MICU3: variants seen among roughly 807,000 people sequenced by gnomAD.
The protein encoded by MICU3 is mitochondrial calcium uptake 3.
MICU3 carries 62 observed loss-of-function variants against 66.5 expected under a neutral mutation model. That is an observed-to-expected ratio of 0.93 (90% CI 0.76 to 1.15). MICU3 has a LOEUF of 1.15. Ranked by LOEUF, MICU3 falls within the 50% of genes most tolerant of loss-of-function variation. The pLI is 0.00. For missense variants in MICU3, 779 were observed against 664.4 expected (o/e 1.17, Z -1.90); for synonymous variants, 308 against 240.7 (o/e 1.28, Z -2.59).
chr8:17,126,117 G>T (rs543091902), downstream of MICU3, among the ~76,000 whole-genome samples: 1 of 151,922 alleles, frequency 6.6e-6, no homozygotes, highest in African/African-American at 2.4e-5. Context: ...GATCCAGGGG[G>T]ATGAGTTTCA....
chr8:17,103,147 T>C (rs1330795841), intron 9 of MICU3, among the ~76,000 whole-genome samples: 2 of 151,944 alleles, frequency 1.3e-5, no homozygotes, highest in African/African-American at 4.8e-5. Context: ...TGGTCTTTGT[T>C]ACTCCATTTT....
chr8:17,093,677 T>C (rs1164676361), intron 8 of MICU3, among the ~76,000 whole-genome samples: 1 of 151,988 alleles, frequency 6.6e-6, no homozygotes, highest in African/African-American at 2.4e-5. Flanking sequence ...TTATAGATTA[T>C]TTATATCATC....
In MICU3 at chr8:17,050,836, A is replaced by T. The variant is rs1216049636; in HGVS notation, c.382-13248A>T. Among the ~76,000 whole-genome samples, 2 of 152,134 alleles carry T rather than the reference A, an allele frequency of 1.3e-5. 1 individual carries two copies. Among genetic ancestry groups the T allele is most frequent in the South Asian group, 4.1e-4 (2 of 4,822 alleles). ...TATGGCTTTTTAAAAAACGCAGTAT[A>T]AGAGTTGCTCTTTTTCAATGGGGGG... On this transcript the variant is annotated intron_variant, in intron 1 of 14. Transcript: ENST00000318063.
chr8:17,103,823 G>T (rs1341775142), intron 9 of MICU3, among the ~76,000 whole-genome samples: 1 of 151,794 alleles, frequency 6.6e-6, no homozygotes, highest in Non-Finnish European at 1.5e-5. Context: ...AATTTTCAAG[G>T]TCATATTATT....
downstream of MICU3, among the ~76,000 whole-genome samples, chr8:17,126,865 A>AG (rs1491525453): frequency 6.6e-6 from 1 of 152,210 alleles, no homozygotes; most frequent in Non-Finnish European, 1.5e-5. Flanking sequence ...AAGGAACATC[A>AG]GGGGGAATCA....
intron 11 of MICU3, among the ~76,000 whole-genome samples, chr8:17,110,132 G>C (rs1262099125): frequency 6.6e-6 from 1 of 152,162 alleles, no homozygotes; most frequent in Non-Finnish European, 1.5e-5. Flanking sequence ...ATATACACTT[G>C]AAAGCCTCAT....
intron 13 of MICU3, among the ~76,000 whole-genome samples, chr8:17,118,015 G>A (rs74527553): frequency 0.018 from 2,736 of 152,284 alleles, 81 homozygotes; most frequent in African/African-American, 0.063. Flanking sequence ...CAAGCTACTT[G>A]AGTAAAGATG....
chr8:17,054,797 G>C (rs1448615554), intron 1 of MICU3, among the ~76,000 whole-genome samples: 1 of 140,550 alleles, frequency 7.1e-6, no homozygotes, highest in African/African-American at 2.7e-5. Context: ...GGAGTGCAGT[G>C]GCACGATGTC....
At chr8:17,120,242 T>C (rs1442974285) in intron 14 of MICU3, 46 bp from the exon 15 acceptor site, 1 of 152,140 alleles carries the variant, frequency 6.6e-6, no homozygotes, top group East Asian at 1.9e-4. Flanking sequence ...CTCAGAATTA[T>C]ATCCTAAATA....
In MICU3 at chr8:17,118,741, A is replaced by T. The variant is rs766844621; in HGVS notation, c.1559A>T (p.Lys520Ile). 1 of 1,612,850 alleles carries T rather than the reference A, an allele frequency of 6.2e-7. No homozygotes were observed. The highest frequency in any genetic ancestry group is 1.1e-5 in the South Asian group (1 of 90,934). The change falls in exon 14 of 15, where the codon AAA (lysine) becomes ATA (isoleucine). Residue 520 changes from lysine (K) to isoleucine (I), a missense_variant. Coordinates refer to ENST00000318063, the MANE Select transcript of MICU3 (RefSeq NM_181723.3). ...YKTVQKYPTF[K>I]SCLKKELHSR ...ACAGTCCAGAAGTACCCCACTTTCA[A>T]ATCCTGCCTGAAGAAAGAACTTCAC...
intron 7 of MICU3, among the ~76,000 whole-genome samples, chr8:17,087,544 C>T (rs556224013): frequency 2.6e-4 from 40 of 152,106 alleles, no homozygotes; most frequent in African/African-American, 9.1e-4. Context: ...CTCCATCTTC[C>T]TAACCAGTTT....
chr8:17,037,022 T>C (rs1045671961), intron 1 of MICU3, among the ~76,000 whole-genome samples: 1 of 152,192 alleles, frequency 6.6e-6, no homozygotes. Flanking sequence ...CTGGCACTGC[T>C]GGGGGACCCA....
downstream of MICU3, among the ~76,000 whole-genome samples, chr8:17,126,686 A>C (rs1803412200): frequency 6.6e-6 from 1 of 152,244 alleles, no homozygotes. Context: ...TAAATCATGA[A>C]GGCTATGTAT....
At chr8:17,051,233 TTTA>T (rs1816026594) in intron 1 of MICU3, among the ~76,000 whole-genome samples, 3 of 152,270 alleles carry the variant, frequency 2.0e-5, no homozygotes, top group Admixed American at 6.5e-5. Flanking sequence ...TTTTAATTTT[TTTA>T]TATTTTAATT....
chr8:17,117,238 A>C (rs1453235872), intron 13 of MICU3, among the ~76,000 whole-genome samples: 2 of 152,104 alleles, frequency 1.3e-5, no homozygotes, highest in Non-Finnish European at 2.9e-5. Flanking sequence ...TTGACCTCCC[A>C]AAGTGCTAAG....
intron 11 of MICU3, among the ~76,000 whole-genome samples, chr8:17,110,199 T>C (rs1186713067): frequency 1.3e-5 from 2 of 152,346 alleles, no homozygotes; most frequent in Middle Eastern, 3.4e-3. Context: ...TTGTAATGAT[T>C]TGTTTGGATT....
the MICU3 span, among the ~76,000 whole-genome samples, chr8:17,127,805 AC>A: frequency 6.6e-6 from 1 of 152,106 alleles, no homozygotes; most frequent in Admixed American, 6.6e-5. Flanking sequence ...CAATAGCTAA[AC>A]CCCAAATACA....
intron 6 of MICU3, among the ~76,000 whole-genome samples, chr8:17,085,885 C>G (rs916762066): frequency 1.3e-5 from 2 of 152,092 alleles, no homozygotes; most frequent in African/African-American, 2.4e-5. Context: ...CAGTTGCTCA[C>G]TCAACTTCAC....
At chr8:17,098,713 C>T (rs1275696236) in intron 9 of MICU3, among the ~76,000 whole-genome samples, 160 bp downstream of exon 9, 1 of 151,730 alleles carries the variant, frequency 6.6e-6, no homozygotes, top group African/African-American at 2.4e-5. Context: ...TATTTGAATA[C>T]ATCAGCTTTG....
Sources: gnomAD v4.1 joint callset for allele counts (sites outside exome capture counted in the v4.1 genomes callset) on GRCh38, gnomAD v4.1.1 for gene constraint, MANE v1.5 for transcripts, NCBI Gene and HGNC (gene_info 2026-07-23, HGNC 2026-07-21) for gene names.